The following ZP2 variants were observed in gnomAD, a reference collection of about 807,000 sequenced individuals.
ZP2 encodes the protein zona pellucida sperm-binding protein 2.
A neutral mutation model predicts 84.0 loss-of-function variants in ZP2; 51 were observed. The ratio of observed to expected loss-of-function variants is 0.61; its 90% CI spans 0.49 to 0.77. The LOEUF is 0.77. Ranked by LOEUF, ZP2 falls within the 30% of genes least tolerant of loss-of-function variation. ZP2 has a pLI of 0.00. For synonymous variants in ZP2, 375 were observed against 330.9 expected, an observed-to-expected ratio of 1.13 and a Z score of -1.45; for missense variants, 909 against 911.9, an observed-to-expected ratio of 1.00 and a Z score of 0.04.
chr16:21,201,871 G>A, intron 12 of ZP2, 41 bp from the exon 13 acceptor site: 1 of 1,612,568 alleles, frequency 6.2e-7, no homozygotes, highest in Non-Finnish European at 8.5e-7. Flanking sequence ...GAAAATTTCA[G>A]GTTAAAAAAT....
intron 17 of ZP2, 172 bp from the exon 18 acceptor site, chr16:21,198,021 C>T (rs1418926254): frequency 2.6e-5 from 16 of 609,812 alleles, no homozygotes; most frequent in South Asian, 2.6e-4. Context: ...TGTTAAGATG[C>T]ACATGCTCTG....
intron 5 of ZP2, 47 bp downstream of exon 5, chr16:21,206,791 C>A: frequency 1.2e-6 from 2 of 1,610,984 alleles, no homozygotes; most frequent in Non-Finnish European, 1.7e-6. Flanking sequence ...CATCATATTC[C>A]CCCTGCAGTA....
rs2093265355 is a variant in ZP2, at chr16:21,209,624, G to T, written c.330+7C>A. 1 of 1,613,620 alleles carries T rather than the reference G, an allele frequency of 6.2e-7. No homozygotes were observed. The highest frequency in any genetic ancestry group is 8.5e-7 in the Non-Finnish European group (1 of 1,179,594). Reference sequence around the variant, plus strand: ...TTCCCCAAGAACTGCTCAAAGCAATGACTTACCACTCTCCTGGTACAGTTA... The same window carrying T: ...TTCCCCAAGAACTGCTCAAAGCAATTACTTACCACTCTCCTGGTACAGTTA... On this transcript the variant is annotated splice_region_variant and intron_variant, in intron 4 of 18. Coordinates refer to ENST00000574091, the MANE Select transcript of ZP2 (RefSeq NM_001376232.1).
Position 21,206,839 on chromosome 16 carries a change from G to C in ZP2, c.482C>G (p.Ser161Cys). ...GAGCAGTCAGCCCGTTTCACTCACA[G>C]ACATGAAATCCTTCTGGCAGATTGT... ...ASTICQKDFM[S>C]FSLPRVFSGL... The change falls in exon 5 of 19, where the codon TCT becomes TGT. Residue 161 changes from serine to cysteine, a missense_variant and splice_region_variant. Transcript: ENST00000574091. The C allele has an allele frequency of 6.2e-7, 1 of 1,614,088 alleles. No homozygotes were observed. The highest frequency in any genetic ancestry group is 8.5e-7 in the Non-Finnish European group (1 of 1,180,002).
chr16:21,207,103 G>T, intron 4 of ZP2, 113 bp from the exon 5 acceptor site: 1 of 1,242,706 alleles, frequency 8.0e-7, no homozygotes, highest in Non-Finnish European at 1.1e-6. Context: ...AATACCACAA[G>T]TGCTGGAAGG....
In ZP2 at chr16:21,211,367, C is replaced by T. The variant is rs535118506; in HGVS notation, c.91G>A (p.Ala31Thr). Residue 31 changes from alanine (A) to threonine (T), a missense_variant, in exon 2 of 19, where the codon GCC (alanine) becomes ACC (threonine). Transcript: ENST00000574091. ...ATGGAGTTCCCTGAAGTCACAAGGG[C>T]GAAGAAGAGAGAAATCGACCTGTAG... The part of the protein sequence containing the change: ...STYRSISLFF[A>T]LVTSGNSIDV... 3.7e-5 allele frequency: 60 copies of T among 1,613,860 alleles called. No individual in the cohort carries two copies. The highest frequency in any genetic ancestry group is 4.5e-5 in the Non-Finnish European group (53 of 1,179,996).
In ZP2 at chr16:21,201,435, T is replaced by C. The variant is rs1466246491; in HGVS notation, c.1628A>G (p.Asp543Gly). The change falls in exon 14 of 19, where the codon GAT becomes GGT. Residue 543 changes from aspartate (D) to glycine (G), a missense_variant. By Grantham distance (94) the Asp-to-Gly change is moderately conservative. Coordinates refer to ENST00000574091, the MANE Select transcript of ZP2 (RefSeq NM_001376232.1). ...RDDPNIKLVL[D>G]DCWATSTMDP... ...CATGGTGGACGTCGCCCAGCAGTCA[T>C]CTAAGACCAGCTTGATGTTGGGGTC... is the stretch of plus-strand genomic sequence containing the variant. 2 of 1,612,966 alleles carry C rather than the reference T, an allele frequency of 1.2e-6. No homozygotes were observed. Among genetic ancestry groups the C allele is most frequent in the East Asian group, 4.5e-5 (2 of 44,864 alleles).
chr16:21,214,251 G>C, upstream of ZP2: 1 of 985,220 alleles, frequency 1.0e-6, no homozygotes, highest in African/African-American at 1.7e-5. Context: ...TGGTGTGCTG[G>C]GGACAGCCAC....
At chr16:21,213,189 C>T (rs560018402), upstream of ZP2, among the ~76,000 whole-genome samples, 2 of 152,148 alleles carry the variant, frequency 1.3e-5, no homozygotes. Context: ...GGATTACAGG[C>T]GCCCACCACC....
At chr16:21,211,107 A>G (rs1464983180) in intron 2 of ZP2, among the ~76,000 whole-genome samples, 200 bp downstream of exon 2, 1 of 152,160 alleles carries the variant, frequency 6.6e-6, no homozygotes, top group East Asian at 1.9e-4. Context: ...ATTGGAAGGC[A>G]GTGCAAGTGT....
intron 4 of ZP2, among the ~76,000 whole-genome samples, chr16:21,207,355 C>T (rs965082743): frequency 3.3e-5 from 5 of 152,124 alleles, no homozygotes; most frequent in Non-Finnish European, 7.3e-5. Context: ...GCTACCCTTG[C>T]TATTACCCCT....
At chr16:21,209,344 T>G (rs2093264113) in intron 4 of ZP2, among the ~76,000 whole-genome samples, 1 of 152,142 alleles carries the variant, frequency 6.6e-6, no homozygotes, top group Admixed American at 6.5e-5. Context: ...GTTTTTTGTA[T>G]TTTTAGTAGG....
rs2093240424 is a variant in ZP2, at chr16:21,204,423, G to A, written c.694-19C>T. ...TACCTTGCTAGGGGGAGAAATAACA[G>A]TGATCTTCAAAAACATTGGTTACTT... is the stretch of plus-strand genomic sequence containing the variant. On this transcript the variant is annotated intron_variant, in intron 7 of 18. Coordinates refer to ENST00000574091, the MANE Select transcript of ZP2 (RefSeq NM_001376232.1). 6.3e-7 allele frequency: 1 copy of A among 1,599,684 alleles called. No homozygotes were observed. The highest frequency in any genetic ancestry group is 1.3e-5 in the African/African-American group (1 of 74,598).
chr16:21,213,977 G>T (rs927109681), upstream of ZP2, among the ~76,000 whole-genome samples: 2 of 151,882 alleles, frequency 1.3e-5, no homozygotes, highest in African/African-American at 4.8e-5. Context: ...GGGTTAATGT[G>T]CTTATTCAGC....
At chr16:21,198,002 G>A in intron 17 of ZP2, 153 bp from the exon 18 acceptor site, 1 of 657,616 alleles carries the variant, frequency 1.5e-6, no homozygotes, top group African/African-American at 1.8e-5. Context: ...CTTAAGTTTG[G>A]CCATAGCATG....
At position 21,197,522 on chromosome 16, in the gene ZP2, G is replaced by A. The variant is rs1306004279; in HGVS notation, c.2196C>T (p.Phe732=). The part of the protein sequence containing the change: ...AFAGVVATLG[F]IYYLYEKRTV... Reference sequence around the variant, plus strand: ...TCCTTTTCTCGTACAGGTAGTAGATGAAGCCTAGAGTTGCCACCACACCTG... The same window carrying A: ...TCCTTTTCTCGTACAGGTAGTAGATAAAGCCTAGAGTTGCCACCACACCTG... Residue 732 remains phenylalanine (F), a synonymous_variant, in exon 19 of 19, where the codon TTC becomes TTT. Transcript: ENST00000574091. 1.2e-6 allele frequency: 2 copies of A among 1,614,188 alleles called. No individual in the cohort carries two copies. The highest frequency in any genetic ancestry group is 1.1e-5 in the South Asian group (1 of 91,086).
chr16:21,207,481 G>T (rs1056621786), intron 4 of ZP2, among the ~76,000 whole-genome samples: 6 of 152,052 alleles, frequency 3.9e-5, no homozygotes, highest in Non-Finnish European at 7.4e-5. Context: ...TTCCTTAAAA[G>T]AACTTTAAAA....
At position 21,201,691 on chromosome 16, in the gene ZP2, A is replaced by G; in HGVS notation, c.1504+15T>C. On this transcript the variant is annotated intron_variant, in intron 13 of 18. Coordinates refer to ENST00000574091, the MANE Select transcript of ZP2 (RefSeq NM_001376232.1). ...TGAGATCATTTAAGCAATTTCACAGACTGCAATCTCTTACCTGGGTAGCTT... is the reference window on the plus strand; with the variant it reads ...TGAGATCATTTAAGCAATTTCACAGGCTGCAATCTCTTACCTGGGTAGCTT... The G allele has an allele frequency of 4.3e-6, 7 of 1,613,962 alleles. No homozygotes were observed. The highest frequency in any genetic ancestry group is 5.9e-6 in the Non-Finnish European group (7 of 1,179,972).
chr16:21,201,166 C>T (rs1473739911), intron 14 of ZP2, among the ~76,000 whole-genome samples: 1 of 151,608 alleles, frequency 6.6e-6, no homozygotes, highest in African/African-American at 2.4e-5. Context: ...GCCGCAGCAC[C>T]CCAACCTGGG....
Sources: gnomAD v4.1 joint callset for allele counts (sites outside exome capture counted in the v4.1 genomes callset) on GRCh38, gnomAD v4.1.1 for gene constraint, MANE v1.5 for transcripts, NCBI Gene and HGNC (gene_info 2026-07-23, HGNC 2026-07-21) for gene names.